SENP5: variants seen among roughly 807,000 people sequenced by gnomAD.
SENP5 encodes SUMO specific peptidase 5.
A neutral mutation model predicts 74.2 loss-of-function variants in SENP5; 21 were observed. That is an observed-to-expected ratio of 0.28 (90% CI 0.20 to 0.41). The LOEUF (loss-of-function observed/expected upper bound fraction) is 0.41. Ranked by LOEUF, SENP5 falls within the 10% of genes least tolerant of loss-of-function variation. The pLI is 1.00. For synonymous variants in SENP5, 311 were observed against 312.7 expected, an observed-to-expected ratio of 0.99 and a Z score of 0.06; for missense variants, 717 against 889.1, an observed-to-expected ratio of 0.81 and a Z score of 2.46.
At position 196,900,080 on chromosome 3, in the gene SENP5, T is replaced by A; in HGVS notation, c.1758+18T>A. ...ATGACCAGGTTAGTATATTGTAGTT[T>A]TTCAGTGTGGAGAAGTTGCAGAGGA... is the stretch of plus-strand genomic sequence containing the variant. On this transcript the variant is annotated intron_variant, in intron 4 of 9. Transcript: ENST00000323460. 3 of 1,603,020 alleles carry A rather than the reference T, an allele frequency of 1.9e-6. No individual in the cohort carries two copies. The highest frequency in any genetic ancestry group is 2.6e-6 in the Non-Finnish European group (3 of 1,175,924).
At chr3:196,902,851 A>G (rs556054746) in intron 5 of SENP5, among the ~76,000 whole-genome samples, 2 of 152,206 alleles carry the variant, frequency 1.3e-5, no homozygotes, top group Admixed American at 6.5e-5. Context: ...TACTGTAACA[A>G]CAGGAGTCTC....
Position 196,899,543 on chromosome 3 carries a change from A to G in SENP5, c.1514-123A>G, listed in dbSNP as rs1714607999. 5.4e-6 allele frequency: 3 copies of G among 558,014 alleles called. No homozygotes were observed. In the South Asian group the frequency reaches 8.4e-5, roughly 16 times the overall value. The allele number at this position is 558,014 out of a possible 1,614,324, so 34.6% of individuals were successfully genotyped here. On this transcript the variant is annotated intron_variant, in intron 2 of 9. Transcript: ENST00000323460. ...TTTAAAAATATAGTATCAATATTATATAGTAATATAGGTTAACCACTGTAT... is the reference window on the plus strand; with the variant it reads ...TTTAAAAATATAGTATCAATATTATGTAGTAATATAGGTTAACCACTGTAT...
Position 196,885,580 on chromosome 3 carries a change from GAAA to G in SENP5, c.402_404del (p.Lys134del). 3 of 1,614,170 alleles carry G rather than the reference GAAA, an allele frequency of 1.9e-6. No individual in the cohort carries two copies. Among genetic ancestry groups the G allele is most frequent in the Non-Finnish European group, 2.5e-6 (3 of 1,180,048 alleles). On this transcript the variant is annotated inframe_deletion, in exon 2 of 10. Transcript: ENST00000323460. ...ATTCTGACCATGAATACTGCAGAGA[GAAA>G]AATCTCTTGAAGGCAGTTACTGACT...
intron 2 of SENP5, among the ~76,000 whole-genome samples, chr3:196,891,247 A>G (rs186792208): frequency 1.3e-5 from 2 of 152,370 alleles, no homozygotes; most frequent in Non-Finnish European, 2.9e-5. Flanking sequence ...AGGCAAATAC[A>G]TAGAGATATA....
At chr3:196,870,763 C>G (rs1166931023) in intron 1 of SENP5, among the ~76,000 whole-genome samples, 1 of 151,944 alleles carries the variant, frequency 6.6e-6, no homozygotes, top group Non-Finnish European at 1.5e-5. Flanking sequence ...AGTGATCTCT[C>G]CGTCTCAGCC....
chr3:196,892,211 T>C (rs1714239845), intron 2 of SENP5, among the ~76,000 whole-genome samples: 1 of 152,196 alleles, frequency 6.6e-6, no homozygotes, highest in African/African-American at 2.4e-5. Context: ...AGGCGTGATC[T>C]CAGCTCACTG....
intron 6 of SENP5, among the ~76,000 whole-genome samples, chr3:196,911,814 A>C (rs993187387): frequency 6.6e-6 from 1 of 152,204 alleles, no homozygotes; most frequent in African/African-American, 2.4e-5. Flanking sequence ...CGTCTCAAAA[A>C]AAAACAAAAC....
chr3:196,909,476 A>G (rs1292956792), intron 6 of SENP5, among the ~76,000 whole-genome samples: 1 of 152,220 alleles, frequency 6.6e-6, no homozygotes, highest in Non-Finnish European at 1.5e-5. Context: ...ATTTCAGGCC[A>G]ATATCCCTGA....
intron 1 of SENP5, 81 bp from the exon 2 acceptor site, chr3:196,885,070 A>G (rs1201317934): frequency 2.6e-6 from 2 of 779,644 alleles, no homozygotes; most frequent in Non-Finnish European, 4.1e-6. Context: ...TTTTTTCTCA[A>G]TTTTCTGCCT....
At chr3:196,916,007 CGAT>C (rs1242854962) in intron 6 of SENP5, among the ~76,000 whole-genome samples, 1 of 152,118 alleles carries the variant, frequency 6.6e-6, no homozygotes, top group East Asian at 1.9e-4. Context: ...GCCCAGACGT[CGAT>C]GAACACCTGC....
chr3:196,929,970 A>G (rs918463509), intron 9 of SENP5, among the ~76,000 whole-genome samples: 1 of 146,400 alleles, frequency 6.8e-6, no homozygotes, highest in African/African-American at 2.6e-5. Flanking sequence ...TCCATATCAT[A>G]ACCATTGGCA....
intron 6 of SENP5, chr3:196,914,586 A>AAAAAAAAAAAAAAATATATATATAT: frequency 9.0e-5 from 3 of 33,494 alleles, no homozygotes; most frequent in Non-Finnish European, 1.5e-4. Context: ...AAAAAAAAAA[A>AAAAAAAAAAAAAAATATATATATAT]ATATATATAT....
intron 5 of SENP5, among the ~76,000 whole-genome samples, chr3:196,902,132 CT>C (rs1225327231): frequency 6.6e-6 from 1 of 152,182 alleles, no homozygotes; most frequent in Admixed American, 6.5e-5. Context: ...ACATAACCTT[CT>C]TTTTAGAGAC....
rs142190445 is a variant in SENP5 at position 196,926,155 on chromosome 3, G to T, written c.2023-1641G>T. Among the ~76,000 whole-genome samples, 23 of 152,310 alleles carry T rather than the reference G, an allele frequency of 1.5e-4. No individual in the cohort carries two copies. The East Asian group carries it at 3.1e-3, about 20-fold the overall frequency. On this transcript the variant is annotated intron_variant, in intron 7 of 9. Coordinates refer to ENST00000323460, the MANE Select transcript of SENP5 (RefSeq NM_152699.5). ...TTTGAGTGCCGGTGACCATTTTTAA[G>T]GACAAATCCTTTTTGCCTGTATTTT...
At chr3:196,899,801 T>G (rs765901429) in intron 3 of SENP5, 30 bp downstream of exon 3, 1 of 1,556,448 alleles carries the variant, frequency 6.4e-7, no homozygotes, top group South Asian at 1.1e-5. Context: ...GTTAAGCCCT[T>G]GAAAATAAAA....
In SENP5 at chr3:196,885,206, T is replaced by C; in HGVS notation, c.25T>C (p.Trp9Arg). MKKQRKIL[W>R]RKGIHLAFSE... ...AATGAAAAAACAGAGGAAAATTCTA[T>C]GGAGGAAAGGAATCCACTTAGCCTT... is the stretch of plus-strand genomic sequence containing the variant. The change falls in exon 2 of 10, where the codon TGG becomes CGG. Residue 9 changes from tryptophan to arginine, a missense_variant. Physicochemically the swap from Trp to Arg is moderately radical, Grantham distance 101. Around this residue, in one of 4 missense-constraint regions of SENP5, gnomAD observed 567 missense variants for 577.4 expected, o/e 0.98. Transcript: ENST00000323460. The C allele has an allele frequency of 1.2e-6, 2 of 1,611,428 alleles. No individual in the cohort carries two copies. The highest frequency in any genetic ancestry group is 1.7e-6 in the Non-Finnish European group (2 of 1,179,214).
intron 2 of SENP5, among the ~76,000 whole-genome samples, chr3:196,894,325 G>T (rs1714348741): frequency 6.6e-6 from 1 of 151,750 alleles, no homozygotes; most frequent in Non-Finnish European, 1.5e-5. Flanking sequence ...GTTTCTCCAT[G>T]TTGGTCAGGC....
At chr3:196,900,337 A>G in intron 4 of SENP5, 28 bp from the exon 5 acceptor site, 1 of 1,587,954 alleles carries the variant, frequency 6.3e-7, no homozygotes, top group South Asian at 1.2e-5. Context: ...CAGAGATAGT[A>G]AGCTGGTTTT....
chr3:196,895,733 A>G (rs1200944763), intron 2 of SENP5, among the ~76,000 whole-genome samples: 1 of 151,928 alleles, frequency 6.6e-6, no homozygotes, highest in Non-Finnish European at 1.5e-5. Flanking sequence ...TGTTGCCCAG[A>G]CTGGTCTTGA....
Sources: allele counts gnomAD v4.1 joint callset (sites outside exome capture counted in the v4.1 genomes callset), GRCh38; gene constraint gnomAD v4.1.1; regional missense constraint gnomAD v4.1.1; transcripts MANE v1.5; gene names NCBI Gene and HGNC (gene_info 2026-07-23, HGNC 2026-07-21).